The following APBB1 variants were observed in gnomAD, a reference collection of about 807,000 sequenced individuals.
The protein encoded by APBB1 is adaptor protein FE65a2.
A neutral mutation model predicts 78.4 loss-of-function variants in APBB1; 22 were observed. That is an observed-to-expected ratio of 0.28 (90% CI 0.20 to 0.40). The LOEUF is 0.40. APBB1 is among the 10% of genes least tolerant of loss of function. The pLI, the probability that APBB1 is intolerant of heterozygous loss-of-function variation, is 1.00. For synonymous variants in APBB1, 369 were observed against 372.7 expected (o/e 0.99, Z 0.12); for missense variants, 749 against 932.4 (o/e 0.80, Z 2.56).
rs1848670282 is a variant in APBB1 at position 6,403,939 on chromosome 11, A to G, written c.722-117T>C. 2.7e-6 allele frequency: 3 copies of G among 1,116,452 alleles called. No individual in the cohort carries two copies. In the Admixed American group the frequency reaches 8.7e-5, roughly 32 times the overall value. The allele number at this position is 1,116,452 out of a possible 1,614,324, so 69.2% of individuals were successfully genotyped here. A position where few individuals can be genotyped will look rare whatever the true frequency, so the allele number is the denominator to read the frequency against. ...GAAGGGGTGGTGGAAGAGCTATACC[A>G]CAACACAGTTCCTGCTTCTGCCTAG... On this transcript the variant is annotated intron_variant, in intron 2 of 14. Transcript: ENST00000609360. The surrounding 1 kb of genome is among the most constrained non-coding windows in gnomAD (Gnocchi z 5.3).
In APBB1 at chr11:6,401,259, C is replaced by G. The variant is rs150275458; in HGVS notation, c.1588+86G>C. On this transcript the variant is annotated intron_variant, in intron 11 of 14. Transcript: ENST00000609360. The surrounding 1 kb of genome is among the most constrained non-coding windows in gnomAD (Gnocchi z 4.5). ...CTTCATGTGTTCATTTTTCTATCAGCGCTGTCCAGGAGCTCATGCCTTTCC... is the reference window on the plus strand; with the variant it reads ...CTTCATGTGTTCATTTTTCTATCAGGGCTGTCCAGGAGCTCATGCCTTTCC... 8 of 1,611,880 alleles carry G rather than the reference C, an allele frequency of 5.0e-6. No homozygotes were observed. The highest frequency in any genetic ancestry group is 6.8e-6 in the Non-Finnish European group (8 of 1,179,042).
rs544257489 is a variant in APBB1, at chr11:6,401,813, C to G, written c.1389-125G>C. ...GGGCTTCTGCCCACAGCTGGTCCCC[C>G]ATAGGTGCTGCCTTCTTGGGGGGGA... On this transcript the variant is annotated intron_variant, in intron 9 of 14. Coordinates refer to ENST00000609360, the MANE Select transcript of APBB1 (RefSeq NM_001164.5). The surrounding 1 kb of genome is among the most constrained non-coding windows in gnomAD (Gnocchi z 4.5). 2.3e-5 allele frequency: 33 copies of G among 1,433,326 alleles called. No homozygotes were observed. The South Asian group carries it at 3.9e-4, about 17-fold the overall frequency. 88.8% of individuals were successfully genotyped at this position (1,433,326 alleles called of 1,614,324 possible).
Position 6,395,284 on chromosome 11 carries a change from A to C in APBB1, c.*250T>G. 1 of 398,772 alleles carries C rather than the reference A, an allele frequency of 2.5e-6. No homozygotes were observed. Among genetic ancestry groups the C allele is most frequent in the Non-Finnish European group, 4.5e-6 (1 of 224,710 alleles). 24.7% of individuals were successfully genotyped at this position (398,772 alleles called of 1,614,324 possible). A position where few individuals can be genotyped will look rare whatever the true frequency, so the allele number is the denominator to read the frequency against. ...GACCAGTTCCTCCTGTTCCACCTGA[A>C]ACACATGGGGATGGAGAACCAGGGC... On this transcript the variant is annotated 3_prime_UTR_variant, in exon 15 of 15. Transcript: ENST00000609360. This position sits in a 1 kb window ranked among gnomAD's most constrained non-coding sequence, Gnocchi z 5.2.
intron 2 of APBB1, among the ~76,000 whole-genome samples, chr11:6,407,147 C>G (rs918801213): frequency 6.6e-6 from 1 of 152,216 alleles, no homozygotes; most frequent in Non-Finnish European, 1.5e-5. Flanking sequence ...CACAAACCTT[C>G]TCTGCAGCCC....
At chr11:6,402,764 G>A (rs1185208835) in intron 6 of APBB1, 39 bp from the exon 7 acceptor site, 1 of 1,612,486 alleles carries the variant, frequency 6.2e-7, no homozygotes, top group Non-Finnish European at 8.5e-7. Context: ...TAGAGGATCT[G>A]AGTCAAAACT....
At chr11:6,415,904 C>T (rs564824222) in intron 1 of APBB1, among the ~76,000 whole-genome samples, 5 of 152,258 alleles carry the variant, frequency 3.3e-5, no homozygotes, top group Admixed American at 3.3e-4. Flanking sequence ...CCTGACGCTC[C>T]TCCAGATCCA....
chr11:6,403,266 C>T lies in APBB1; in HGVS notation c.1040+53G>A, dbSNP rs1564939360. The T allele has an allele frequency of 1.9e-6, 3 of 1,610,512 alleles. No homozygotes were observed. The highest frequency in any genetic ancestry group is 2.5e-6 in the Non-Finnish European group (3 of 1,177,856). ...TCCCATAAATGGAGCTGTCCCAAGG[C>T]CCCTTCCAGACAGATCCATCCCACT... On this transcript the variant is annotated intron_variant, in intron 5 of 14. Coordinates refer to ENST00000609360, the MANE Select transcript of APBB1 (RefSeq NM_001164.5). This position sits in a 1 kb window ranked among gnomAD's most constrained non-coding sequence, Gnocchi z 5.3.
At position 6,402,091 on chromosome 11, in the gene APBB1, T is replaced by A. The variant is rs1848547612; in HGVS notation, c.1373A>T (p.Asp458Val). The A allele has an allele frequency of 6.2e-7, 1 of 1,614,022 alleles. No individual in the cohort carries two copies. Among genetic ancestry groups the A allele is most frequent in the Non-Finnish European group, 8.5e-7 (1 of 1,179,970 alleles). The change falls in exon 8 of 15, where the codon GAC becomes GTC. Residue 458 changes from aspartate (D) to valine (V), a missense_variant. Asp to Val is a radical substitution (Grantham distance 152, BLOSUM62 -3). Coordinates refer to ENST00000609360, the MANE Select transcript of APBB1 (RefSeq NM_001164.5). Reference sequence around the variant, plus strand: ...CAAGCCCTATTCCCACCTTCCACTGTCCCGCCCGACGCCCCACACGCGGAT... The same window carrying A: ...CAAGCCCTATTCCCACCTTCCACTGACCCGCCCGACGCCCCACACGCGGAT... ...ISIRVWGVGRDSGRERDFAYV... is the reference protein window; with the variant it reads ...ISIRVWGVGRVSGRERDFAYV...
Position 6,410,957 on chromosome 11 carries a change from C to T in APBB1, c.391G>A (p.Gly131Ser), listed in dbSNP as rs572432118. The change falls in exon 2 of 15, where the codon GGC (glycine) becomes AGC (serine). Residue 131 changes from glycine to serine, a missense_variant. Physicochemically the swap from Gly to Ser is moderately conservative, Grantham distance 56 (BLOSUM62 0). Around this residue, in one of 3 missense-constraint regions of APBB1, gnomAD observed 635 missense variants for 765.0 expected, o/e 0.83. Coordinates refer to ENST00000609360, the MANE Select transcript of APBB1 (RefSeq NM_001164.5). ...ATGATCAGGCCAGGTCCTCGTAGGC[C>T]TCGGTTGGCTGCGTTGTGAGCTGAG... ...ELSAHNAANR[G>S]LRGPGLIIST... is the part of the protein sequence containing the mutation. The T allele has an allele frequency of 1.2e-4, 192 of 1,614,198 alleles. 3 individuals carry two copies. In the South Asian group the frequency reaches 2.1e-3, roughly 17 times the overall value.
At chr11:6,404,561 G>A (rs1848702634) in intron 2 of APBB1, 1 of 1,532,394 alleles carries the variant, frequency 6.5e-7, no homozygotes, top group Non-Finnish European at 8.7e-7. Flanking sequence ...CCTGACCCTT[G>A]CTGCACACAG....
intron 2 of APBB1, among the ~76,000 whole-genome samples, chr11:6,406,731 C>T (rs1352507733): frequency 6.6e-6 from 1 of 152,132 alleles, no homozygotes; most frequent in African/African-American, 2.4e-5. Context: ...CTGGCTATCA[C>T]CTACCTCTCC....
intron 6 of APBB1, among the ~76,000 whole-genome samples, 191 bp downstream of exon 6, chr11:6,402,954 T>G (rs1365162037): frequency 6.6e-6 from 1 of 151,868 alleles, no homozygotes; most frequent in Non-Finnish European, 1.5e-5. Context: ...GCCCCCAACC[T>G]GGCTGTTGGG....
Position 6,403,047 on chromosome 11 carries a change from TG to T in APBB1, c.1104+97del. 1 of 1,193,082 alleles carries T rather than the reference TG, an allele frequency of 8.4e-7. No homozygotes were observed. Among genetic ancestry groups the T allele is most frequent in the Non-Finnish European group, 1.2e-6 (1 of 838,622 alleles). 73.9% of individuals were successfully genotyped at this position (1,193,082 alleles called of 1,614,324 possible). A position where few individuals can be genotyped will look rare whatever the true frequency, so the allele number is the denominator to read the frequency against. ...CTGGAAGAACTCCTAACTCAGGACC[TG>T]GGGAACTGCGCTGAGACCCCTCAGA... On this transcript the variant is annotated intron_variant, in intron 6 of 14. Transcript: ENST00000609360. The surrounding 1 kb of genome is among the most constrained non-coding windows in gnomAD (Gnocchi z 5.3).
chr11:6,414,650 T>TGCCAAA, intron 1 of APBB1, among the ~76,000 whole-genome samples: 1 of 151,170 alleles, frequency 6.6e-6, no homozygotes. Context: ...GGTCCCTGAG[T>TGCCAAA]GGGAAGTAAG....
intron 1 of APBB1, among the ~76,000 whole-genome samples, chr11:6,414,310 T>C (rs1170344318): frequency 1.3e-5 from 2 of 152,180 alleles, no homozygotes; most frequent in African/African-American, 4.8e-5. Context: ...CAGTTACAGC[T>C]CCTAAGCAGT....
At position 6,403,844 on chromosome 11, in the gene APBB1, G is replaced by A. The variant is rs190896963; in HGVS notation, c.722-22C>T. 3.2e-5 allele frequency: 49 copies of A among 1,532,768 alleles called. No individual in the cohort carries two copies. In the East Asian group the frequency reaches 8.6e-4, roughly 27 times the overall value. The allele number at this position is 1,532,768 out of a possible 1,614,324, so 94.9% of individuals were successfully genotyped here. A position where few individuals can be genotyped will look rare whatever the true frequency, so the allele number is the denominator to read the frequency against. ...GAATCTGCCAGGTGGGAGGCTTGGT[G>A]AGGGTCAGCCTACCCAAAGAGCAGA... On this transcript the variant is annotated intron_variant, in intron 2 of 14. Transcript: ENST00000609360. This position sits in a 1 kb window ranked among gnomAD's most constrained non-coding sequence, Gnocchi z 5.3.
At chr11:6,417,988 G>A (rs1849164772) in intron 1 of APBB1, among the ~76,000 whole-genome samples, 1 of 152,354 alleles carries the variant, frequency 6.6e-6, no homozygotes, top group East Asian at 1.9e-4. Flanking sequence ...AGAAGTCTGG[G>A]CTGGATATAT....
intron 1 of APBB1, among the ~76,000 whole-genome samples, chr11:6,417,580 C>T (rs1480212115): frequency 6.6e-6 from 1 of 152,118 alleles, no homozygotes; most frequent in Non-Finnish European, 1.5e-5. Context: ...AAGGATTACT[C>T]TGGGTACTGT....
chr11:6,411,145 T>G lies in APBB1; in HGVS notation c.203A>C (p.Lys68Thr). ...CTGGTTCTGGCCCTCTTTTAGCCAC[T>G]TGGCATTGGCAGGGCCTGGCTCAGG... ...GGPEPGPANA[K>T]WLKEGQNQLR... is the part of the protein sequence containing the mutation. Residue 68 changes from lysine (K) to threonine (T), a missense_variant, in exon 2 of 15, where the codon AAG becomes ACG. Coordinates refer to ENST00000609360, the MANE Select transcript of APBB1 (RefSeq NM_001164.5). The surrounding 1 kb of genome is among the most constrained non-coding windows in gnomAD (Gnocchi z 5.2). 1 of 1,610,226 alleles carries G rather than the reference T, an allele frequency of 6.2e-7. No homozygotes were observed. Among genetic ancestry groups the G allele is most frequent in the Non-Finnish European group, 8.5e-7 (1 of 1,179,812 alleles).
Sources: gnomAD v4.1 joint callset for allele counts (sites outside exome capture counted in the v4.1 genomes callset) on GRCh38, gnomAD v4.1.1 for gene constraint, gnomAD v4.1.1 regional missense constraint, Gnocchi (gnomAD v3.1) non-coding constraint, MANE v1.5 for transcripts, NCBI Gene and HGNC (gene_info 2026-07-23, HGNC 2026-07-21) for gene names.